The following TRHDE variants were observed in gnomAD, a reference collection of about 807,000 sequenced individuals.
The protein encoded by TRHDE is thyrotropin-releasing hormone-degrading ectoenzyme.
TRHDE carries 72 observed loss-of-function variants against 125.7 expected under a neutral mutation model. That is an observed-to-expected ratio of 0.57 (90% confidence interval 0.47 to 0.70). TRHDE has a LOEUF of 0.70. TRHDE is among the 30% of genes least tolerant of loss of function. The pLI, the probability that TRHDE is intolerant of heterozygous loss-of-function variation, is 0.00. For missense variants in TRHDE, 1,110 were observed against 1,327.1 expected, an observed-to-expected ratio of 0.84 and a Z score of 2.54; for synonymous variants, 509 against 509.1, an observed-to-expected ratio of 1.00 and a Z score of 0.00.
At chr12:72,411,375 G>T (rs1005244318) in intron 3 of TRHDE, among the ~76,000 whole-genome samples, 3 of 151,978 alleles carry the variant, frequency 2.0e-5, no homozygotes, top group Admixed American at 1.3e-4. Flanking sequence ...CAGTTAAAAT[G>T]AGGTAATACA....
intron 6 of TRHDE, among the ~76,000 whole-genome samples, chr12:72,523,549 C>T (rs1359354716): frequency 1.3e-5 from 2 of 152,086 alleles, no homozygotes; most frequent in Admixed American, 6.5e-5. Context: ...TTATAAAGGT[C>T]GTGCTTTCCA....
intron 5 of TRHDE, among the ~76,000 whole-genome samples, chr12:72,474,045 C>CATAT (rs779778405): frequency 4.7e-5 from 7 of 149,450 alleles, no homozygotes; most frequent in African/African-American, 1.7e-4. Context: ...CACACACATA[C>CATAT]ATATATATAC....
chr12:72,100,029 A>G (rs1875030525), intron 1 of TRHDE, among the ~76,000 whole-genome samples: 1 of 152,098 alleles, frequency 6.6e-6, no homozygotes, highest in Non-Finnish European at 1.5e-5. Flanking sequence ...TTTTTTTCTC[A>G]GAGATATTAA....
intron 15 of TRHDE, among the ~76,000 whole-genome samples, chr12:72,636,333 T>C (rs1336445600): frequency 1.3e-5 from 2 of 151,256 alleles, no homozygotes; most frequent in East Asian, 3.9e-4. Flanking sequence ...AGAATGCTTG[T>C]GATTTTTGTA....
At chr12:72,538,033 T>A (rs1300163467) in intron 6 of TRHDE, among the ~76,000 whole-genome samples, 5 of 152,086 alleles carry the variant, frequency 3.3e-5, no homozygotes, top group Non-Finnish European at 5.9e-5. Context: ...TTAGCTTTCC[T>A]GGAATCTTGC....
At chr12:72,656,123 G>A (rs978654851) in intron 17 of TRHDE, among the ~76,000 whole-genome samples, 3 of 151,958 alleles carry the variant, frequency 2.0e-5, no homozygotes, top group Non-Finnish European at 2.9e-5. Context: ...TCTGTGATAG[G>A]TATCCTTAGC....
At chr12:72,556,880 C>T (rs957773372) in intron 7 of TRHDE, among the ~76,000 whole-genome samples, 1 of 152,162 alleles carries the variant, frequency 6.6e-6, no homozygotes, top group Admixed American at 6.5e-5. Context: ...ACTAGTCTTA[C>T]AACTATAGGA....
chr12:72,403,967 C>T (rs934167837), intron 3 of TRHDE, among the ~76,000 whole-genome samples: 158 of 152,082 alleles, frequency 1.0e-3, no homozygotes, highest in African/African-American at 3.6e-3. Context: ...TTGACTTAGA[C>T]GAAGTTTGTC....
intron 2 of TRHDE, among the ~76,000 whole-genome samples, chr12:72,107,628 G>A (rs991391940): frequency 4.8e-4 from 73 of 152,042 alleles, no homozygotes; most frequent in African/African-American, 1.6e-3. Flanking sequence ...CTACAGCCTG[G>A]AGCTAAATCC....
intron 12 of TRHDE, among the ~76,000 whole-genome samples, chr12:72,594,754 C>T (rs1871854717): frequency 6.6e-6 from 1 of 151,892 alleles, no homozygotes; most frequent in African/African-American, 2.4e-5. Flanking sequence ...CCCAGCCATC[C>T]CATTACTGGG....
intron 2 of TRHDE, among the ~76,000 whole-genome samples, chr12:72,117,360 C>A (rs1875470062): frequency 6.6e-6 from 1 of 152,026 alleles, no homozygotes; most frequent in South Asian, 2.1e-4. Flanking sequence ...ATGCTTTTGG[C>A]ACCTTTGTTG....
At position 72,158,139 on chromosome 12, in the gene TRHDE, C is replaced by T. The variant is rs74597709; in HGVS notation, n.279+52387C>T. ...GTAGGAGATGTCAATGAAAGTCTGA[C>T]GGAGAGGGTTTGGGAAAGAAAAGTG... On this transcript the variant is annotated intron_variant and non_coding_transcript_variant, in intron 2 of 4. Transcript: ENST00000548156. Among the ~76,000 whole-genome samples, 183 of 151,966 alleles carry T rather than the reference C, an allele frequency of 1.2e-3. 5 individuals carry two copies. In the East Asian group the frequency reaches 0.031, roughly 26 times the overall value.
Position 72,090,244 on chromosome 12 carries a change from A to G in TRHDE, n.174+2805A>G, listed in dbSNP as rs532619186. Among the ~76,000 whole-genome samples the G allele has an allele frequency of 4.6e-5, 7 of 152,294 alleles. No homozygotes were observed. In the South Asian group the frequency reaches 1.2e-3, roughly 27 times the overall value. ...CCAGAGATAATTACTACTAACAAAG[A>G]TGAGTCTTTTCCCACCGTGACTCAC... On this transcript the variant is annotated intron_variant and non_coding_transcript_variant, in intron 1 of 4. Coordinates refer to the TRHDE transcript ENST00000548156.
intron 2 of TRHDE, among the ~76,000 whole-genome samples, chr12:72,304,658 G>C (rs965528756): frequency 6.6e-6 from 1 of 152,142 alleles, no homozygotes; most frequent in East Asian, 1.9e-4. Context: ...CTGTCTGATC[G>C]AGAGGACAGT....
intron 2 of TRHDE, among the ~76,000 whole-genome samples, chr12:72,123,962 T>C (rs1002242703): frequency 6.6e-6 from 1 of 152,172 alleles, no homozygotes; most frequent in Non-Finnish European, 1.5e-5. Context: ...ATAACACATT[T>C]GAGACTCATC....
chr12:72,168,606 G>A (rs1876805194), intron 2 of TRHDE, among the ~76,000 whole-genome samples: 1 of 152,182 alleles, frequency 6.6e-6, no homozygotes, highest in South Asian at 2.1e-4. Context: ...TAAGTACATA[G>A]ATTTCTACAT....
intron 12 of TRHDE, among the ~76,000 whole-genome samples, chr12:72,584,695 C>T (rs1402579059): frequency 6.6e-6 from 1 of 152,080 alleles, no homozygotes; most frequent in Non-Finnish European, 1.5e-5. Context: ...ACATAATGTC[C>T]TCCAGGTTCA....
intron 15 of TRHDE, among the ~76,000 whole-genome samples, chr12:72,628,607 T>C (rs1873356044): frequency 6.6e-6 from 1 of 151,910 alleles, no homozygotes; most frequent in Non-Finnish European, 1.5e-5. Context: ...ATCAAAGCTT[T>C]AGAGGATCTC....
At chr12:72,119,351 A>G (rs1366417993) in intron 2 of TRHDE, among the ~76,000 whole-genome samples, 4 of 152,066 alleles carry the variant, frequency 2.6e-5, no homozygotes, top group African/African-American at 4.8e-5. Context: ...ATTTCCAAAA[A>G]TTCCTCTTGT....
Sources: gnomAD v4.1 joint callset for allele counts (sites outside exome capture counted in the v4.1 genomes callset) on GRCh38, gnomAD v4.1.1 for gene constraint, MANE v1.5 for transcripts, NCBI Gene and HGNC (gene_info 2026-07-23, HGNC 2026-07-21) for gene names.